The following FAM107B variants were observed in gnomAD, a reference collection of about 807,000 sequenced individuals.
The protein encoded by FAM107B is family with sequence similarity 107 member B.
FAM107B carries 21 observed loss-of-function variants against 31.5 expected under a neutral mutation model. The observed-to-expected ratio is 0.67, with a 90% CI of 0.47 to 0.96. FAM107B has a LOEUF of 0.96. Ranked by LOEUF, FAM107B falls within the 40% of genes least tolerant of loss-of-function variation. FAM107B has a pLI of 0.00. For synonymous variants in FAM107B, 157 were observed against 141.5 expected (o/e 1.11, Z -0.78); for missense variants, 452 against 377.1 (o/e 1.20, Z -1.64).
intron 1 of FAM107B, among the ~76,000 whole-genome samples, chr10:14,718,760 G>A (rs1210469223): frequency 6.6e-6 from 1 of 152,164 alleles, no homozygotes; most frequent in African/African-American, 2.4e-5. Flanking sequence ...TGTGAAATAG[G>A]TTATGCCAGA....
At chr10:14,716,238 G>A (rs897534948) in intron 1 of FAM107B, among the ~76,000 whole-genome samples, 1 of 152,204 alleles carries the variant, frequency 6.6e-6, no homozygotes, top group Non-Finnish European at 1.5e-5. Flanking sequence ...TCAGCCCTTA[G>A]TTGGGTGGTT....
At chr10:14,575,551 CT>C (rs778026528) in intron 2 of FAM107B, among the ~76,000 whole-genome samples, 32 of 152,276 alleles carry the variant, frequency 2.1e-4, no homozygotes, top group Non-Finnish European at 3.7e-4. Flanking sequence ...AGAAAAAGCA[CT>C]GTGTGATGGC....
At chr10:14,763,404 A>G (rs1196127256) in intron 1 of FAM107B, among the ~76,000 whole-genome samples, 3 of 152,200 alleles carry the variant, frequency 2.0e-5, no homozygotes, top group African/African-American at 7.2e-5. Flanking sequence ...CTCTATTGCA[A>G]CGTATCACCA....
intron 1 of FAM107B, among the ~76,000 whole-genome samples, chr10:14,753,216 C>T (rs1460029272): frequency 6.6e-6 from 1 of 152,334 alleles, no homozygotes; most frequent in Non-Finnish European, 1.5e-5. Context: ...GTTCACACTG[C>T]ACACAAAGGT....
chr10:14,689,055 C>T (rs1855060032), intron 1 of FAM107B, among the ~76,000 whole-genome samples: 1 of 152,064 alleles, frequency 6.6e-6, no homozygotes, highest in African/African-American at 2.4e-5. Flanking sequence ...ATGTGCATGT[C>T]GCTGGGCTGG....
chr10:14,657,216 G>A (rs1167315471), intron 2 of FAM107B, among the ~76,000 whole-genome samples: 2 of 152,216 alleles, frequency 1.3e-5, no homozygotes, highest in African/African-American at 2.4e-5. Flanking sequence ...CTCTGCCCAT[G>A]TAGAGAGGGG....
intron 1 of FAM107B, among the ~76,000 whole-genome samples, chr10:14,671,903 A>C (rs951177864): frequency 2.2e-4 from 32 of 145,970 alleles, no homozygotes; most frequent in East Asian, 1.8e-3. Context: ...CAAAAAAAAA[A>C]CCCTCTATTT....
intron 1 of FAM107B, among the ~76,000 whole-genome samples, chr10:14,693,711 C>T (rs115956644): frequency 2.2e-3 from 335 of 152,246 alleles, no homozygotes; most frequent in African/African-American, 7.7e-3. Context: ...TGTTATCCTA[C>T]GTATCTGCTA....
chr10:14,556,180 T>A (rs1005912455), intron 2 of FAM107B: 6 of 183,378 alleles, frequency 3.3e-5, no homozygotes, highest in African/African-American at 1.4e-4. Flanking sequence ...ATACTCGATA[T>A]ACAAAAACAG....
At chr10:14,656,529 C>T (rs1208728818) in intron 2 of FAM107B, among the ~76,000 whole-genome samples, 3 of 152,086 alleles carry the variant, frequency 2.0e-5, no homozygotes, top group African/African-American at 4.8e-5. Flanking sequence ...CATTCGGGTT[C>T]CTGGCATGCA....
At chr10:14,702,076 T>C (rs2131525270) in intron 1 of FAM107B, among the ~76,000 whole-genome samples, 1 of 152,370 alleles carries the variant, frequency 6.6e-6, no homozygotes, top group South Asian at 2.1e-4. Flanking sequence ...GGGAATATAC[T>C]GATAAGTAAA....
chr10:14,762,405 T>C (rs146937445), intron 1 of FAM107B, among the ~76,000 whole-genome samples: 6 of 152,220 alleles, frequency 3.9e-5, no homozygotes, highest in African/African-American at 7.2e-5. Context: ...AACCAGAGGG[T>C]TTGCGAATTA....
intron 1 of FAM107B, among the ~76,000 whole-genome samples, chr10:14,694,874 A>G (rs1454021687): frequency 6.6e-6 from 1 of 152,094 alleles, no homozygotes; most frequent in African/African-American, 2.4e-5. Context: ...ATTGAGTTTT[A>G]TGAGATCTTT....
chr10:14,762,545 G>A (rs141843211), intron 1 of FAM107B, among the ~76,000 whole-genome samples: 5,352 of 152,094 alleles, frequency 0.035, 302 homozygotes, highest in African/African-American at 0.12. Context: ...ACCTGAGGCC[G>A]GGAGTTCGAG....
At chr10:14,604,332 G>A (rs1397437756) in intron 2 of FAM107B, 7 of 855,396 alleles carry the variant, frequency 8.2e-6, no homozygotes, top group Non-Finnish European at 8.4e-6. Context: ...GCGGCGGCCC[G>A]AGGCGGCGCG....
intron 2 of FAM107B, among the ~76,000 whole-genome samples, chr10:14,555,013 T>C (rs1588570387): frequency 6.6e-6 from 1 of 151,536 alleles, no homozygotes; most frequent in East Asian, 1.9e-4. Flanking sequence ...ACCGAAATTA[T>C]TAGTTGTCAT....
intron 1 of FAM107B, among the ~76,000 whole-genome samples, chr10:14,716,266 C>T (rs983572352): frequency 2.0e-5 from 3 of 152,188 alleles, no homozygotes; most frequent in African/African-American, 7.2e-5. Flanking sequence ...CGGGCCTATC[C>T]TGAGGTTGTG....
intron 1 of FAM107B, 31 bp downstream of exon 1, chr10:14,774,222 G>A (rs369229543): frequency 5.0e-5 from 79 of 1,575,798 alleles, no homozygotes; most frequent in Non-Finnish European, 6.2e-5. Context: ...GCTCCATCCC[G>A]TCTATAATCG....
intron 2 of FAM107B, among the ~76,000 whole-genome samples, chr10:14,534,077 TC>T (rs1375832550): frequency 6.6e-6 from 1 of 152,182 alleles, no homozygotes; most frequent in Non-Finnish European, 1.5e-5. Context: ...GCAAACATCT[TC>T]CTTCTTTTTC....
Sources: allele counts gnomAD v4.1 joint callset (sites outside exome capture counted in the v4.1 genomes callset), GRCh38; gene constraint gnomAD v4.1.1; transcripts MANE v1.5; gene names NCBI Gene and HGNC (gene_info 2026-07-23, HGNC 2026-07-21).